The following ZNF721 variants were observed in gnomAD, a reference collection of about 807,000 sequenced individuals.
ZNF721 encodes zinc finger protein 721.
A neutral mutation model predicts 2.4 loss-of-function variants in ZNF721; 2 were observed. The observed-to-expected ratio is 0.82, with a 90% CI of 0.34 to 2.58. The LOEUF (loss-of-function observed/expected upper bound fraction) is 2.58, where lower values mean the gene tolerates loss of function less well. ZNF721 is among the 30% of genes most tolerant of loss of function. The probability of loss-of-function intolerance (pLI) is 0.11; values close to 1 mark genes in which losing one functional copy is unlikely to be tolerated. For missense variants in ZNF721, 1,187 were observed against 1,085.5 expected (o/e 1.09, Z -1.31); for synonymous variants, 398 against 381.8 (o/e 1.04, Z -0.50).
At chr4:456,018 C>A (rs1714834481) in intron 2 of ZNF721, among the ~76,000 whole-genome samples, 1 of 151,854 alleles carries the variant, frequency 6.6e-6, no homozygotes. Context: ...TACTCACCTA[C>A]AAAAGAAAAC....
intron 1 of ZNF721, among the ~76,000 whole-genome samples, chr4:474,963 T>A (rs1189013655): frequency 6.7e-6 from 1 of 149,808 alleles, no homozygotes; most frequent in African/African-American, 2.5e-5. Context: ...CCGGGGCGGG[T>A]GGATCACGAG....
chr4:446,940 C>G (rs1298553560), intron 2 of ZNF721, among the ~76,000 whole-genome samples: 1 of 152,186 alleles, frequency 6.6e-6, no homozygotes, highest in Non-Finnish European at 1.5e-5. Flanking sequence ...CCTGCCTCAG[C>G]CTCCCAAATT....
chr4:441,910 A>G lies in ZNF721; in HGVS notation c.2557T>C (p.Tyr853His). Reference sequence around the variant, plus strand: ...CCAGTATGAATTCTCCTATGTACATAAAGGATTGCTGACTGTCTAAAGGCT... The same window carrying G: ...CCAGTATGAATTCTCCTATGTACATGAAGGATTGCTGACTGTCTAAAGGCT... ...GKAFRQSAIL[Y>H]VHRRIHTGEK... is the part of the protein sequence containing the mutation. The change falls in exon 3 of 3, where the codon TAT becomes CAT. Residue 853 changes from tyrosine (Y) to histidine (H), a missense_variant. By Grantham distance (83) the Tyr-to-His change is moderately conservative (BLOSUM62 2). Coordinates refer to ENST00000511833, the MANE Select transcript of ZNF721 (RefSeq NM_133474.4). 4 of 1,613,654 alleles carry G rather than the reference A, an allele frequency of 2.5e-6. No homozygotes were observed. The highest frequency in any genetic ancestry group is 3.4e-6 in the Non-Finnish European group (4 of 1,179,870).
chr4:478,597 A>G (rs1194581277), intron 1 of ZNF721, among the ~76,000 whole-genome samples: 8 of 152,182 alleles, frequency 5.3e-5, no homozygotes, highest in African/African-American at 1.9e-4. Flanking sequence ...TTGCATGTAC[A>G]TTCCATTTTA....
In ZNF721 at chr4:443,854, A is replaced by G; in HGVS notation, c.613T>C (p.Ser205Pro). Residue 205 changes from serine to proline, a missense_variant, in exon 3 of 3, where the codon TCC (serine) becomes CCC (proline). Ser to Pro is a moderately conservative substitution (Grantham distance 74). Transcript: ENST00000511833. Reference protein sequence around the residue: ...GEDRDRAFGWSTNLNEYKKIH... With the variant: ...GEDRDRAFGWPTNLNEYKKIH... ...TTCTTATATTCATTCAGGTTTGTGG[A>G]CCATCCAAAGGCTCTGTCACGATCT... The G allele has an allele frequency of 6.2e-7, 1 of 1,613,918 alleles. No individual in the cohort carries two copies. The highest frequency in any genetic ancestry group is 2.2e-5 in the East Asian group (1 of 44,866).
chr4:472,793 G>A (rs1461239756), intron 1 of ZNF721, 92 bp from the exon 2 acceptor site: 2 of 1,529,934 alleles, frequency 1.3e-6, no homozygotes, highest in East Asian at 2.3e-5. Context: ...TGACTGACTG[G>A]GATTATCTGA....
At chr4:474,892 A>C (rs938479125) in intron 1 of ZNF721, among the ~76,000 whole-genome samples, 1 of 151,594 alleles carries the variant, frequency 6.6e-6, no homozygotes, top group South Asian at 2.1e-4. Context: ...TAAACAAATA[A>C]ATGAATAAAA....
At chr4:451,776 G>A (rs782681890) in intron 2 of ZNF721, among the ~76,000 whole-genome samples, 9 of 152,178 alleles carry the variant, frequency 5.9e-5, no homozygotes, top group Non-Finnish European at 8.8e-5. Flanking sequence ...ATCCAAAAGC[G>A]AAAACGTGCC....
At chr4:464,862 G>A (rs923647345) in intron 2 of ZNF721, among the ~76,000 whole-genome samples, 34 of 151,144 alleles carry the variant, frequency 2.2e-4, no homozygotes, top group Non-Finnish European at 3.7e-4. Context: ...GGAGGATCAC[G>A]AGGTCAGGAG....
rs1560221828 is a variant in ZNF721, at chr4:440,658, G to GT, written c.*1036dup. 1.3e-5 allele frequency: 2 copies of GT among 152,060 alleles called. No homozygotes were observed. The highest frequency in any genetic ancestry group is 4.8e-5 in the African/African-American group (2 of 41,428). 9.4% of individuals were successfully genotyped at this position (152,060 alleles called of 1,614,324 possible). A position where few individuals can be genotyped will look rare whatever the true frequency, so the allele number is the denominator to read the frequency against. ...TATATTCTAGTAAAAATTCTCTGGT[G>GT]TTTCTTTTCTTTTTATCTTGTTTTG... is the stretch of plus-strand genomic sequence containing the variant. On this transcript the variant is annotated 3_prime_UTR_variant, in exon 3 of 3. Coordinates refer to ENST00000511833, the MANE Select transcript of ZNF721 (RefSeq NM_133474.4).
chr4:471,382 A>G (rs1290224247), intron 2 of ZNF721, among the ~76,000 whole-genome samples: 1 of 152,188 alleles, frequency 6.6e-6, no homozygotes, highest in African/African-American at 2.4e-5. Context: ...CCATAAGAGA[A>G]AAGAAAATCT....
intron 1 of ZNF721, among the ~76,000 whole-genome samples, chr4:478,313 A>G (rs115131745): frequency 0.032 from 4,911 of 152,270 alleles, 262 homozygotes; most frequent in African/African-American, 0.11. Flanking sequence ...AATATTTCAC[A>G]TAAATGAAAG....
At chr4:496,562 C>G (rs1158020963) in intron 1 of ZNF721, among the ~76,000 whole-genome samples, 1 of 151,996 alleles carries the variant, frequency 6.6e-6, no homozygotes, top group African/African-American at 2.4e-5. Context: ...GGGGAAGATT[C>G]TACACTCATG....
chr4:468,750 T>C (rs1248771880), intron 2 of ZNF721, among the ~76,000 whole-genome samples: 1 of 152,182 alleles, frequency 6.6e-6, no homozygotes, highest in African/African-American at 2.4e-5. Flanking sequence ...AAAGGAGATG[T>C]TTACCTGTCA....
intron 1 of ZNF721, among the ~76,000 whole-genome samples, chr4:494,734 T>C (rs894817003): frequency 1.3e-5 from 2 of 152,140 alleles, no homozygotes; most frequent in Admixed American, 1.3e-4. Context: ...ATATAAATTA[T>C]AGAAATCTAT....
At chr4:470,830 C>T (rs897039982) in intron 2 of ZNF721, among the ~76,000 whole-genome samples, 44 of 152,002 alleles carry the variant, frequency 2.9e-4, no homozygotes, top group Non-Finnish European at 5.0e-4. Flanking sequence ...GAAACCCCAC[C>T]TCTACTAAAA....
At chr4:471,200 T>C (rs1553867627) in intron 2 of ZNF721, among the ~76,000 whole-genome samples, 2 of 151,934 alleles carry the variant, frequency 1.3e-5, no homozygotes, top group African/African-American at 2.4e-5. Flanking sequence ...TAAAAACCAG[T>C]AAAAAATAAA....
intron 2 of ZNF721, among the ~76,000 whole-genome samples, chr4:461,393 A>G (rs1393848692): frequency 6.6e-6 from 1 of 152,202 alleles, no homozygotes; most frequent in Non-Finnish European, 1.5e-5. Context: ...GCCTTCAATA[A>G]AATTCAACAC....
At chr4:474,661 G>C (rs1553868357) in intron 1 of ZNF721, among the ~76,000 whole-genome samples, 1 of 152,070 alleles carries the variant, frequency 6.6e-6, no homozygotes, top group Non-Finnish European at 1.5e-5. Flanking sequence ...GGGATCACGG[G>C]GTGAGGAGTT....
Sources: allele counts gnomAD v4.1 joint callset (sites outside exome capture counted in the v4.1 genomes callset), GRCh38; gene constraint gnomAD v4.1.1; transcripts MANE v1.5; gene names NCBI Gene and HGNC (gene_info 2026-07-23, HGNC 2026-07-21).